The following KHDRBS3 variants were observed in gnomAD, a reference collection of about 807,000 sequenced individuals.
KHDRBS3 encodes KH RNA binding domain containing, signal transduction associated 3.
A neutral mutation model predicts 45.6 loss-of-function variants in KHDRBS3; 23 were observed. That is an observed-to-expected ratio of 0.50 (90% CI 0.36 to 0.72). The LOEUF (loss-of-function observed/expected upper bound fraction) is 0.72, where lower values mean the gene tolerates loss of function less well. Ranked by LOEUF, KHDRBS3 falls within the 30% of genes least tolerant of loss-of-function variation. The pLI is 0.00. For synonymous variants in KHDRBS3, 162 were observed against 156.5 expected (o/e 1.04, Z -0.26); for missense variants, 352 against 424.8 (o/e 0.83, Z 1.51).
In KHDRBS3 at chr8:135,548,033, C is replaced by G. The variant is rs1826398297; in HGVS notation, c.325-721C>G. On this transcript the variant is annotated intron_variant, in intron 3 of 8. Transcript: ENST00000355849. The stretch of plus-strand genomic sequence containing the variant: ...TGTAAAATAACGTAATAAAGTCTTT[C>G]ATTTTGTTTTATTCACTGTTTTATT... 1.3e-5 allele frequency among the ~76,000 whole-genome samples: 2 copies of G among 152,094 alleles called. 1 individual carries two copies. Among genetic ancestry groups the G allele is most frequent in the Admixed American group, 1.3e-4 (2 of 15,276 alleles).
In KHDRBS3 at chr8:135,518,429, C is replaced by G. The variant is rs964263576; in HGVS notation, c.89-2808C>G. On this transcript the variant is annotated intron_variant, in intron 1 of 8. Coordinates refer to ENST00000355849, the MANE Select transcript of KHDRBS3 (RefSeq NM_006558.3). ...GACCTCGTGATCCACCCGCCTCGGC[C>G]TCCCAAAGTACTGGGATTACAGGTG... Among the ~76,000 whole-genome samples the G allele has an allele frequency of 2.6e-5, 4 of 152,124 alleles. No individual in the cohort carries two copies. In the South Asian group the frequency reaches 8.3e-4, roughly 32 times the overall value.
chr8:135,499,052 T>C (rs1241489434), intron 1 of KHDRBS3, among the ~76,000 whole-genome samples: 1 of 152,242 alleles, frequency 6.6e-6, no homozygotes. Context: ...CAGATCAGTT[T>C]TGGTGCCTAT....
At chr8:135,646,740 T>C (rs1831304647) in intron 8 of KHDRBS3, among the ~76,000 whole-genome samples, 1 of 152,220 alleles carries the variant, frequency 6.6e-6, no homozygotes, top group South Asian at 2.1e-4. Flanking sequence ...CCTTGCGAAG[T>C]TGGTTACCAT....
intron 1 of KHDRBS3, among the ~76,000 whole-genome samples, chr8:135,471,397 T>A (rs1322357982): frequency 1.3e-5 from 2 of 152,332 alleles, no homozygotes; most frequent in African/African-American, 4.8e-5. Flanking sequence ...GAGAAGTTGC[T>A]GTTATTTCTC....
At chr8:135,534,371 T>C (rs1169398240) in intron 2 of KHDRBS3, among the ~76,000 whole-genome samples, 1 of 152,188 alleles carries the variant, frequency 6.6e-6, no homozygotes, top group Admixed American at 6.5e-5. Flanking sequence ...TCTTGGGTAG[T>C]GATTAATACT....
intron 5 of KHDRBS3, among the ~76,000 whole-genome samples, chr8:135,576,879 A>G (rs1827968347): frequency 6.6e-6 from 1 of 152,244 alleles, no homozygotes; most frequent in Admixed American, 6.5e-5. Flanking sequence ...TAAGCTAAAC[A>G]TGAGTTCATA....
At chr8:135,641,729 A>G (rs968556032) in intron 7 of KHDRBS3, among the ~76,000 whole-genome samples, 4 of 152,232 alleles carry the variant, frequency 2.6e-5, no homozygotes, top group Non-Finnish European at 5.9e-5. Context: ...CACTGCAGGT[A>G]AAGGCCCAGG....
intron 4 of KHDRBS3, 184 bp downstream of exon 4, chr8:135,549,084 T>C (rs891531375): frequency 1.3e-5 from 5 of 391,044 alleles, no homozygotes; most frequent in African/African-American, 8.3e-5. Context: ...TATGTATATA[T>C]GAGGTGTTAG....
At chr8:135,507,191 T>C (rs1876996) in intron 1 of KHDRBS3, among the ~76,000 whole-genome samples, 55,695 of 152,036 alleles carry the variant, frequency 0.37, 11,550 homozygotes, top group South Asian at 0.54. Context: ...GGCCCTGTTA[T>C]TAGTCTTAGT....
Position 135,457,787 on chromosome 8 carries a change from G to C in KHDRBS3, c.-80G>C. 1 of 766,834 alleles carries C rather than the reference G, an allele frequency of 1.3e-6. No homozygotes were observed. Among genetic ancestry groups the C allele is most frequent in the South Asian group, 3.4e-5 (1 of 29,812 alleles). 47.5% of individuals were successfully genotyped at this position (766,834 alleles called of 1,614,324 possible). A position where few individuals can be genotyped will look rare whatever the true frequency, so the allele number is the denominator to read the frequency against. On this transcript the variant is annotated 5_prime_UTR_variant, in exon 1 of 9. Coordinates refer to ENST00000355849, the MANE Select transcript of KHDRBS3 (RefSeq NM_006558.3). The surrounding 1 kb of genome is among the most constrained non-coding windows in gnomAD (Gnocchi z 4.4). The stretch of plus-strand genomic sequence containing the variant: ...GGCCCCCGGGTCCCCGCCGCTGGGG[G>C]CGCGGGCGGGGTCGGGGGTTGCCGG...
intron 7 of KHDRBS3, among the ~76,000 whole-genome samples, chr8:135,615,658 C>T (rs988004378): frequency 6.6e-6 from 1 of 152,128 alleles, no homozygotes; most frequent in Non-Finnish European, 1.5e-5. Context: ...GTATGGTTAG[C>T]ATATCAAACA....
intron 1 of KHDRBS3, among the ~76,000 whole-genome samples, chr8:135,464,341 A>G (rs925023845): frequency 6.6e-6 from 1 of 152,160 alleles, no homozygotes; most frequent in Non-Finnish European, 1.5e-5. Flanking sequence ...GGATTTTTAA[A>G]TATGTATATA....
intron 2 of KHDRBS3, among the ~76,000 whole-genome samples, chr8:135,532,199 G>C (rs898408027): frequency 1.3e-5 from 2 of 152,144 alleles, no homozygotes; most frequent in African/African-American, 2.4e-5. Flanking sequence ...ATTCAAATGA[G>C]ATCAGAATCC....
intron 1 of KHDRBS3, among the ~76,000 whole-genome samples, chr8:135,512,438 G>GGGGGGA (rs1824346391): frequency 8.5e-6 from 1 of 117,348 alleles, no homozygotes; most frequent in African/African-American, 3.4e-5. Context: ...TCGGGGGGGG[G>GGGGGGA]GTAATAACTC....
At chr8:135,568,096 C>A (rs530104479) in intron 5 of KHDRBS3, among the ~76,000 whole-genome samples, 85 of 152,158 alleles carry the variant, frequency 5.6e-4, no homozygotes, top group Admixed American at 9.2e-4. Flanking sequence ...ACACACAGCC[C>A]CAAACAAAAG....
intron 7 of KHDRBS3, chr8:135,625,478 G>C: frequency 2.6e-6 from 2 of 784,134 alleles, no homozygotes; most frequent in Non-Finnish European, 4.6e-6. Flanking sequence ...AGCCACAGCA[G>C]TTCTCTGTGT....
intron 5 of KHDRBS3, among the ~76,000 whole-genome samples, chr8:135,581,054 G>C (rs755662370): frequency 2.6e-5 from 4 of 152,128 alleles, no homozygotes; most frequent in Admixed American, 1.3e-4. Flanking sequence ...TGAGTCTTTA[G>C]CTGCGTATTT....
chr8:135,651,289 C>CTA (rs1055661265), downstream of KHDRBS3, among the ~76,000 whole-genome samples: 3 of 149,830 alleles, frequency 2.0e-5, no homozygotes, highest in African/African-American at 4.9e-5. Context: ...TAGACATAGT[C>CTA]TATATATATA....
At chr8:135,462,588 A>G (rs758966334) in intron 1 of KHDRBS3, among the ~76,000 whole-genome samples, 1 of 152,130 alleles carries the variant, frequency 6.6e-6, no homozygotes, top group Non-Finnish European at 1.5e-5. Flanking sequence ...ACTGTTAATA[A>G]ATCAGCTTGT....
Sources: gnomAD v4.1 joint callset for allele counts (sites outside exome capture counted in the v4.1 genomes callset) on GRCh38, gnomAD v4.1.1 for gene constraint, Gnocchi (gnomAD v3.1) non-coding constraint, MANE v1.5 for transcripts, NCBI Gene and HGNC (gene_info 2026-07-23, HGNC 2026-07-21) for gene names.